Variants in DENND3 observed in about 807,000 individuals in gnomAD.
The protein encoded by DENND3 is DENN domain-containing protein 3.
In DENND3, 88 loss-of-function variants were observed where a neutral mutation model predicts 135.1. The observed-to-expected ratio is 0.65, with a 90% CI of 0.55 to 0.78. The LOEUF (loss-of-function observed/expected upper bound fraction) is 0.78. Ranked by LOEUF, DENND3 falls within the 30% of genes least tolerant of loss-of-function variation. DENND3 has a pLI of 0.00. For missense variants in DENND3, 1,392 were observed against 1,688.4 expected (o/e 0.82, Z 3.08); for synonymous variants, 693 against 712.3 (o/e 0.97, Z 0.43).
At chr8:141,163,907 CA>C (rs1157176340) in intron 10 of DENND3, among the ~76,000 whole-genome samples, 5,492 of 55,954 alleles carry the variant, frequency 0.098, 233 homozygotes, top group African/African-American at 0.26. Flanking sequence ...GACTCCGTCT[CA>C]AAAAAAAAAA....
At chr8:141,173,943 T>A (rs1306382201) in intron 13 of DENND3, among the ~76,000 whole-genome samples, 1 of 152,088 alleles carries the variant, frequency 6.6e-6, no homozygotes, top group Admixed American at 6.5e-5. Flanking sequence ...GTTCTTGGGG[T>A]GTAGCAAGTG....
chr8:141,177,930 C>A (rs1822604501), intron 15 of DENND3, 137 bp from the exon 16 acceptor site: 1 of 1,104,872 alleles, frequency 9.1e-7, no homozygotes, highest in Non-Finnish European at 1.2e-6. Flanking sequence ...AATCCAAATT[C>A]ATCCGTGATC....
intron 8 of DENND3, among the ~76,000 whole-genome samples, chr8:141,159,324 T>C (rs558621866): frequency 1.3e-5 from 2 of 152,266 alleles, no homozygotes; most frequent in African/African-American, 2.4e-5. Flanking sequence ...ACAGAGAAGA[T>C]TGGCTCCTGC....
At chr8:141,170,445 G>A (rs1347199089) in intron 13 of DENND3, among the ~76,000 whole-genome samples, 1 of 152,092 alleles carries the variant, frequency 6.6e-6, no homozygotes, top group Non-Finnish European at 1.5e-5. Context: ...GTGTGTGCGC[G>A]CGCTGTACCT....
intron 19 of DENND3, among the ~76,000 whole-genome samples, chr8:141,189,824 A>C (rs1001471546): frequency 1.3e-5 from 2 of 152,192 alleles, no homozygotes; most frequent in African/African-American, 2.4e-5. Flanking sequence ...GCTCGAGCCC[A>C]GCCCCGCCCA....
At chr8:141,163,885 G>A (rs532530625) in intron 10 of DENND3, among the ~76,000 whole-genome samples, 17 of 147,436 alleles carry the variant, frequency 1.2e-4, no homozygotes, top group African/African-American at 3.8e-4. Flanking sequence ...TCCAGCCTGG[G>A]CGACAGAGCA....
chr8:141,159,151 C>T (rs927371320), intron 8 of DENND3, among the ~76,000 whole-genome samples: 2 of 152,182 alleles, frequency 1.3e-5, no homozygotes, highest in East Asian at 1.9e-4. Context: ...CTGCTCAGCA[C>T]GTTTGGAGAG....
chr8:141,153,731 C>T (rs957327353), intron 7 of DENND3, among the ~76,000 whole-genome samples: 3 of 152,200 alleles, frequency 2.0e-5, no homozygotes, highest in Non-Finnish European at 2.9e-5. Flanking sequence ...GCCTCGCAGA[C>T]GAGGAGAAAA....
chr8:141,150,572 G>A (rs951692176), intron 5 of DENND3, among the ~76,000 whole-genome samples: 5 of 152,232 alleles, frequency 3.3e-5, no homozygotes, highest in African/African-American at 1.2e-4. Flanking sequence ...ACAATGAGTA[G>A]TTTGCTGATT....
intron 2 of DENND3, 109 bp downstream of exon 2, chr8:141,136,900 A>T: frequency 8.3e-7 from 1 of 1,205,354 alleles, no homozygotes; most frequent in South Asian, 2.1e-5. Context: ...CGGCAGAGCC[A>T]GGGACCCCTC....
intron 4 of DENND3, chr8:141,142,392 T>G (rs1267399145): frequency 2.2e-6 from 1 of 457,114 alleles, no homozygotes; most frequent in East Asian, 6.9e-5. Context: ...CTGTTCTTGC[T>G]TCTTGCAAAG....
At chr8:141,183,380 G>T (rs1351125941) in intron 17 of DENND3, among the ~76,000 whole-genome samples, 1 of 151,730 alleles carries the variant, frequency 6.6e-6, no homozygotes, top group East Asian at 1.9e-4. Context: ...TGATTAGCTG[G>T]ACTGCAGGTG....
At chr8:141,186,730 GGT>G (rs1227305832) in intron 18 of DENND3, among the ~76,000 whole-genome samples, 1 of 152,196 alleles carries the variant, frequency 6.6e-6, no homozygotes, top group African/African-American at 2.4e-5. Context: ...GCAGTGCCAT[GGT>G]GTGTCGCTTC....
chr8:141,151,657 C>T lies in DENND3; in HGVS notation c.894C>T (p.Phe298=), dbSNP rs1279744986. The T allele has an allele frequency of 2.5e-6, 4 of 1,613,836 alleles. No homozygotes were observed. Among genetic ancestry groups the T allele is most frequent in the Non-Finnish European group, 3.4e-6 (4 of 1,180,020 alleles). The change falls in exon 7 of 23, where the codon TTC becomes TTT. Residue 298 remains phenylalanine (F), a synonymous_variant. Coordinates refer to ENST00000519811, the MANE Select transcript of DENND3 (RefSeq NM_001352890.3). ...TCCTGACGGAACAGCGGATCGTCTT[C>T]TTCTCCTCGGACTGGGCTCTGCTGA... The part of the protein sequence containing the change: ...TCILTEQRIV[F]FSSDWALLTL...
intron 5 of DENND3, chr8:141,150,307 C>T (rs531922686): frequency 3.1e-6 from 4 of 1,282,922 alleles, no homozygotes; most frequent in South Asian, 1.3e-5. Context: ...TCTCAGTAGC[C>T]ATTCTGTGAA....
At chr8:141,169,711 T>C (rs1821273214) in intron 13 of DENND3, among the ~76,000 whole-genome samples, 1 of 152,244 alleles carries the variant, frequency 6.6e-6, no homozygotes, top group Admixed American at 6.5e-5. Context: ...ACGCGGTACC[T>C]AGTGGTCGTG....
At chr8:141,142,187 G>A in intron 4 of DENND3, 1 of 340,230 alleles carries the variant, frequency 2.9e-6, no homozygotes, top group South Asian at 2.1e-5. Flanking sequence ...TGATGTTGGG[G>A]GCTGTAGCCC....
intron 17 of DENND3, among the ~76,000 whole-genome samples, chr8:141,181,247 C>T (rs1325214817): frequency 6.6e-6 from 1 of 152,218 alleles, no homozygotes; most frequent in African/African-American, 2.4e-5. Flanking sequence ...CATCCTCCAA[C>T]TCCTGGATTC....
intron 1 of DENND3, among the ~76,000 whole-genome samples, chr8:141,129,135 C>T (rs1304455192): frequency 2.0e-5 from 3 of 152,214 alleles, no homozygotes; most frequent in African/African-American, 7.2e-5. Flanking sequence ...GTCTCTGGGG[C>T]CTCTCTCTTC....
Sources: allele counts gnomAD v4.1 joint callset (sites outside exome capture counted in the v4.1 genomes callset), GRCh38; gene constraint gnomAD v4.1.1; transcripts MANE v1.5; gene names NCBI Gene and HGNC (gene_info 2026-07-23, HGNC 2026-07-21).